GRID2IP: variants seen among roughly 807,000 people sequenced by gnomAD.
GRID2IP encodes the protein delphilin.
In GRID2IP, 78 loss-of-function variants were observed where a neutral mutation model predicts 114.3. The ratio of observed to expected loss-of-function variants is 0.68; its 90% CI spans 0.57 to 0.82. The LOEUF (loss-of-function observed/expected upper bound fraction) is 0.82, where lower values mean the gene tolerates loss of function less well. Among genes scored for constraint, GRID2IP ranks in the 40% least tolerant of loss-of-function variants. GRID2IP has a pLI of 0.00. For missense variants in GRID2IP, 1,727 were observed against 1,678.5 expected, an observed-to-expected ratio of 1.03 and a Z score of -0.51; for synonymous variants, 809 against 724.0, an observed-to-expected ratio of 1.12 and a Z score of -1.89.
rs911603620 is a variant in GRID2IP, at chr7:6,508,876, C to T, written c.2127+82G>A. 4.9e-5 allele frequency: 73 copies of T among 1,481,184 alleles called. No individual in the cohort carries two copies. The African/African-American group carries it at 5.7e-4, about 12-fold the overall frequency. 91.8% of individuals were successfully genotyped at this position (1,481,184 alleles called of 1,614,324 possible). On this transcript the variant is annotated intron_variant, in intron 12 of 21. Transcript: ENST00000457091. This position sits in a 1 kb window ranked among gnomAD's most constrained non-coding sequence, Gnocchi z 5.6. ...GATCCCAAGGGCAGCAGGCCCCTTG[C>T]GGGAGCCCAGGAACACTGTTGCCTT...
In GRID2IP at chr7:6,501,789, C is replaced by T. The variant is rs1169365173; in HGVS notation, c.3391G>A (p.Val1131Ile). 1.9e-6 allele frequency: 3 copies of T among 1,550,338 alleles called. No homozygotes were observed. The highest frequency in any genetic ancestry group is 1.2e-5 in the South Asian group (1 of 84,046). ...SPSSEDKFAMVMSSFLETAQP... is the reference protein window; with the variant it reads ...SPSSEDKFAMIMSSFLETAQP... ...GGCTGCTCAGAGGATGCCGACATGA[C>T]CATTGCAAACTTGTCCTCGCTAGAG... The change falls in exon 20 of 22, where the codon GTC becomes ATC. Residue 1131 changes from valine (V) to isoleucine (I), a missense_variant. Transcript: ENST00000457091.
intron 4 of GRID2IP, among the ~76,000 whole-genome samples, chr7:6,522,673 T>G (rs1779434343): frequency 6.6e-6 from 1 of 150,814 alleles, no homozygotes; most frequent in African/African-American, 2.4e-5. Flanking sequence ...TGAGATGGAG[T>G]CTCGCTCTAT....
At chr7:6,525,901 C>G (rs532054044) in intron 4 of GRID2IP, among the ~76,000 whole-genome samples, 65 of 152,236 alleles carry the variant, frequency 4.3e-4, no homozygotes, top group Middle Eastern at 3.4e-3. Flanking sequence ...AGTGCCCCGG[C>G]CCTCCCTGTG....
At chr7:6,540,353 C>A (rs1779794375) in intron 1 of GRID2IP, among the ~76,000 whole-genome samples, 1 of 152,022 alleles carries the variant, frequency 6.6e-6, no homozygotes, top group Admixed American at 6.6e-5. Flanking sequence ...CTCAGGTGAT[C>A]CGCCCGCCTC....
At position 6,537,774 on chromosome 7, in the gene GRID2IP, C is replaced by T. The variant is rs537037445; in HGVS notation, c.584+1944G>A. On this transcript the variant is annotated intron_variant, in intron 2 of 21. Coordinates refer to ENST00000457091, the MANE Select transcript of GRID2IP (RefSeq NM_001145118.2). ...CTGAGGCAGGAGAATCACTTGAACC[C>T]GGGAGGCAGATGTTGCAGTAAGCCA... 2.2e-4 allele frequency among the ~76,000 whole-genome samples: 33 copies of T among 152,078 alleles called. 1 individual carries two copies. Among genetic ancestry groups the T allele is most frequent in the East Asian group, 2.0e-3 (10 of 5,108 alleles).
chr7:6,541,949 TG>T (rs1195637938), intron 1 of GRID2IP, among the ~76,000 whole-genome samples: 3 of 152,136 alleles, frequency 2.0e-5, no homozygotes, highest in Non-Finnish European at 4.4e-5. Context: ...GCTAAATAAT[TG>T]CAGTACATCC....
intron 20 of GRID2IP, 60 bp downstream of exon 20, chr7:6,501,721 A>T: frequency 7.9e-7 from 1 of 1,273,688 alleles, no homozygotes; most frequent in Non-Finnish European, 1.1e-6. Context: ...AGCCACAGCC[A>T]GCTCTACCCA....
rs115919919 is a variant in GRID2IP at position 6,509,274 on chromosome 7, C to T, written c.1811G>A (p.Arg604Gln). 3,178 of 1,527,560 alleles carry T rather than the reference C, an allele frequency of 2.1e-3. 53 individuals are homozygous for T. In the African/African-American group the frequency reaches 0.038, roughly 18 times the overall value. The allele number at this position is 1,527,560 out of a possible 1,614,324, so 94.6% of individuals were successfully genotyped here. A position where few individuals can be genotyped will look rare whatever the true frequency, so the allele number is the denominator to read the frequency against. Residue 604 changes from arginine to glutamine, a missense_variant, in exon 12 of 22, where the codon CGA becomes CAA. By Grantham distance (43) the Arg-to-Gln change is conservative. Coordinates refer to ENST00000457091, the MANE Select transcript of GRID2IP (RefSeq NM_001145118.2). This position sits in a 1 kb window ranked among gnomAD's most constrained non-coding sequence, Gnocchi z 4.9. Reference sequence around the variant, plus strand: ...GTGGTAGCAGGGGGAGGGCAAGAGTCGCTCGCTGGGCCATGAGACGCCGGA... The same window carrying T: ...GTGGTAGCAGGGGGAGGGCAAGAGTTGCTCGCTGGGCCATGAGACGCCGGA... ...TLSGVSWPSE[R>Q]LLPSPCYHPL...
At chr7:6,510,832 C>T (rs1779132881) in intron 9 of GRID2IP, 76 bp downstream of exon 9, 1 of 1,490,574 alleles carries the variant, frequency 6.7e-7, no homozygotes. Flanking sequence ...CCCTGGGATT[C>T]CCCACCTCAC....
At chr7:6,533,336 G>T (rs77398712) in intron 2 of GRID2IP, among the ~76,000 whole-genome samples, 1 of 152,034 alleles carries the variant, frequency 6.6e-6, no homozygotes, top group Non-Finnish European at 1.5e-5. Flanking sequence ...CTATCTACAC[G>T]TCTCATAGAA....
chr7:6,514,358 G>T lies in GRID2IP; in HGVS notation c.1423+17C>A. 1 of 1,487,098 alleles carries T rather than the reference G, an allele frequency of 6.7e-7. No homozygotes were observed. The highest frequency in any genetic ancestry group is 1.3e-5 in the South Asian group (1 of 76,454). The allele number at this position is 1,487,098 out of a possible 1,614,324, so 92.1% of individuals were successfully genotyped here. On this transcript the variant is annotated intron_variant, in intron 8 of 21. Transcript: ENST00000457091. ...AGCAGCTGCAGGCAGGGAAGTGGCA[G>T]GGGAGAGGACGCTTACCTGTCATGG...
chr7:6,549,637 G>A (rs1209805047), intron 1 of GRID2IP, among the ~76,000 whole-genome samples: 4 of 152,102 alleles, frequency 2.6e-5, no homozygotes, highest in Admixed American at 2.6e-4. Flanking sequence ...ATGGCGGGGA[G>A]GGGAATGGAG....
At position 6,534,262 on chromosome 7, in the gene GRID2IP, GACC is replaced by G. The variant is rs1276120362; in HGVS notation, c.584+5453_584+5455del. Among the ~76,000 whole-genome samples, 72 of 152,170 alleles carry G rather than the reference GACC, an allele frequency of 4.7e-4. No homozygotes were observed. Among genetic ancestry groups the G allele is most frequent in the Non-Finnish European group, 4.0e-4 (27 of 68,002 alleles). On this transcript the variant is annotated intron_variant, in intron 2 of 21. Coordinates refer to ENST00000457091, the MANE Select transcript of GRID2IP (RefSeq NM_001145118.2). The surrounding 1 kb of genome is among the most constrained non-coding windows in gnomAD (Gnocchi z 4.5). Reference sequence around the variant, plus strand: ...CCAGCTTCTACCATGACCTGCCCCTGACCTGACACCCCGTTCCCCCCACGCCAC... The same window carrying G: ...CCAGCTTCTACCATGACCTGCCCCTGTGACACCCCGTTCCCCCCACGCCAC...
In GRID2IP at chr7:6,509,246, C is replaced by T. The variant is rs377425738; in HGVS notation, c.1839G>A (p.Pro613=). The T allele has an allele frequency of 4.9e-3, 7,392 of 1,523,394 alleles. 36 individuals carry two copies. Among genetic ancestry groups the T allele is most frequent in the Middle Eastern group, 0.019 (96 of 5,072 alleles). 94.4% of individuals were successfully genotyped at this position (1,523,394 alleles called of 1,614,324 possible). Residue 613 remains proline (P), a synonymous_variant, in exon 12 of 22, where the codon CCG becomes CCA. Transcript: ENST00000457091. This position sits in a 1 kb window ranked among gnomAD's most constrained non-coding sequence, Gnocchi z 4.9. ...GGGAGGCCAGACCCCCCGAACACAG[C>T]GGGTGGTAGCAGGGGGAGGGCAAGA... is the stretch of plus-strand genomic sequence containing the variant. ...ERLLPSPCYH[P]LCSGGLASPS...
At position 6,509,206 on chromosome 7, in the gene GRID2IP, A is replaced by T; in HGVS notation, c.1879T>A (p.Ser627Thr). The T allele has an allele frequency of 6.7e-7, 1 of 1,492,100 alleles. No homozygotes were observed. Among genetic ancestry groups the T allele is most frequent in the South Asian group, 1.3e-5 (1 of 74,946 alleles). 92.4% of individuals were successfully genotyped at this position (1,492,100 alleles called of 1,614,324 possible). A position where few individuals can be genotyped will look rare whatever the true frequency, so the allele number is the denominator to read the frequency against. The change falls in exon 12 of 22, where the codon TCC becomes ACC. Residue 627 changes from serine to threonine, a missense_variant. By Grantham distance (58) the Ser-to-Thr change is moderately conservative (BLOSUM62 1). Coordinates refer to ENST00000457091, the MANE Select transcript of GRID2IP (RefSeq NM_001145118.2). This position sits in a 1 kb window ranked among gnomAD's most constrained non-coding sequence, Gnocchi z 4.9. ...CTGTCCAGGCTGGCGTAGGGGTGGG[A>T]CTCAGAGCTGCTGGGGGAGGCCAGA... Reference protein sequence around the residue: ...GGLASPSSSESHPYASLDSSR... With the variant: ...GGLASPSSSETHPYASLDSSR...
At chr7:6,542,306 C>CA (rs56154707) in intron 1 of GRID2IP, among the ~76,000 whole-genome samples, 55,609 of 94,732 alleles carry the variant, frequency 0.59, 17,071 homozygotes, top group Non-Finnish European at 0.72. Flanking sequence ...AACTCCATCT[C>CA]AAAAAAAAAA....
intron 1 of GRID2IP, among the ~76,000 whole-genome samples, chr7:6,542,944 A>C (rs1779834899): frequency 6.6e-6 from 1 of 152,176 alleles, no homozygotes; most frequent in Non-Finnish European, 1.5e-5. Context: ...GAGTGAGTCC[A>C]TGAGTCGTTC....
intron 1 of GRID2IP, among the ~76,000 whole-genome samples, chr7:6,544,962 C>CT (rs1171591110): frequency 1.3e-5 from 2 of 152,096 alleles, no homozygotes; most frequent in African/African-American, 4.8e-5. Flanking sequence ...TGGCGGGCGC[C>CT]TGTAGTCCCA....
Position 6,508,214 on chromosome 7 carries a change from C to G in GRID2IP, c.2315G>C (p.Arg772Pro). ...AGGGCCCCGGGAACCATCAGAGCTG[C>G]GGGAGCTGGGCTTAGCGTCATGGAA... ...LPFHDAKPSS[R>P]SSDGSRGPAQ... is the part of the protein sequence containing the mutation. Residue 772 changes from arginine (R) to proline (P), a missense_variant, in exon 13 of 22, where the codon CGC becomes CCC. Physicochemically the swap from Arg to Pro is moderately radical, Grantham distance 103. Coordinates refer to ENST00000457091, the MANE Select transcript of GRID2IP (RefSeq NM_001145118.2). The surrounding 1 kb of genome is among the most constrained non-coding windows in gnomAD (Gnocchi z 5.6). 1 of 1,194,232 alleles carries G rather than the reference C, an allele frequency of 8.4e-7. No homozygotes were observed. The highest frequency in any genetic ancestry group is 1.4e-5 in the South Asian group (1 of 71,208). The allele number at this position is 1,194,232 out of a possible 1,614,324, so 74.0% of individuals were successfully genotyped here. A position where few individuals can be genotyped will look rare whatever the true frequency, so the allele number is the denominator to read the frequency against.
Sources: allele counts gnomAD v4.1 joint callset (sites outside exome capture counted in the v4.1 genomes callset), GRCh38; gene constraint gnomAD v4.1.1; non-coding constraint Gnocchi (gnomAD v3.1); transcripts MANE v1.5; gene names NCBI Gene and HGNC (gene_info 2026-07-23, HGNC 2026-07-21).